Variants in PCDHGA1 observed in about 807,000 individuals in gnomAD.
PCDHGA1 encodes protocadherin gamma-A1.
A neutral mutation model predicts 58.0 loss-of-function variants in PCDHGA1; 32 were observed. That is an observed-to-expected ratio of 0.55 (90% CI 0.42 to 0.74). The LOEUF (loss-of-function observed/expected upper bound fraction) is 0.74, where lower values mean the gene tolerates loss of function less well. Ranked by LOEUF, PCDHGA1 falls within the 30% of genes least tolerant of loss-of-function variation. PCDHGA1 has a pLI of 0.00. For synonymous variants in PCDHGA1, 498 were observed against 501.1 expected, an observed-to-expected ratio of 0.99 and a Z score of 0.08; for missense variants, 1,205 against 1,182.3, an observed-to-expected ratio of 1.02 and a Z score of -0.28.
Position 141,485,606 on chromosome 5 carries a change from G to T in PCDHGA1, c.2422-9201G>T, listed in dbSNP as rs2099616630. On this transcript the variant is annotated intron_variant, in intron 1 of 3. Transcript: ENST00000517417. The surrounding 1 kb of genome is among the most constrained non-coding windows in gnomAD (Gnocchi z 5.7). ...GCAGCTGGACTTGGAAATTGGGGAG[G>T]CAGCTCCTCCAGGACAGCGTTTCCC... is the stretch of plus-strand genomic sequence containing the variant. 1.2e-6 allele frequency: 2 copies of T among 1,612,362 alleles called. No homozygotes were observed. The highest frequency in any genetic ancestry group is 4.5e-5 in the East Asian group (2 of 44,840).
chr5:141,344,297 G>C, intron 1 of PCDHGA1: 8 of 1,614,124 alleles, frequency 5.0e-6, no homozygotes, highest in Non-Finnish European at 5.9e-6. Context: ...TCACCGCGGA[G>C]AGGATAGACC....
chr5:141,490,984 T>TCTG lies in PCDHGA1; in HGVS notation c.2422-3820_2422-3818dup. On this transcript the variant is annotated intron_variant, in intron 1 of 3. Transcript: ENST00000517417. The surrounding 1 kb of genome is among the most constrained non-coding windows in gnomAD (Gnocchi z 5.4). ...CTCAGCCCCCCAGCGTCTCCCTCGCTCTGCTCCTCCTGGCTCCTTGGTCAC... is the reference window on the plus strand; with the variant it reads ...CTCAGCCCCCCAGCGTCTCCCTCGCTCTGCTGCTCCTCCTGGCTCCTTGGTCAC... The TCTG allele has an allele frequency of 1.2e-6, 2 of 1,614,110 alleles. No homozygotes were observed. Among genetic ancestry groups the TCTG allele is most frequent in the Non-Finnish European group, 1.7e-6 (2 of 1,180,028 alleles).
chr5:141,360,074 G>T (rs1338613779), intron 1 of PCDHGA1: 2 of 1,478,456 alleles, frequency 1.4e-6, no homozygotes, highest in South Asian at 1.4e-5. Flanking sequence ...CCTTAGCCCG[G>T]ATTCTGCCAT....
At chr5:141,400,773 T>A in intron 1 of PCDHGA1, 1 of 572,450 alleles carries the variant, frequency 1.7e-6, no homozygotes, top group East Asian at 2.9e-5. Flanking sequence ...AAACATTTGG[T>A]GCGTTTTTTT....
chr5:141,410,065 G>C, intron 1 of PCDHGA1: 1 of 1,612,938 alleles, frequency 6.2e-7, no homozygotes, highest in South Asian at 1.1e-5. Context: ...GCCTGGGGCT[G>C]CGCACTGGGG....
intron 1 of PCDHGA1, chr5:141,420,275 G>A: frequency 1.3e-6 from 2 of 1,524,576 alleles, no homozygotes; most frequent in Non-Finnish European, 1.8e-6. Flanking sequence ...TCTTAAACAG[G>A]TAAGTATTTA....
chr5:141,362,447 C>T (rs769703158), intron 1 of PCDHGA1: 1 of 1,614,048 alleles, frequency 6.2e-7, no homozygotes, highest in Non-Finnish European at 8.5e-7. Flanking sequence ...CTGAACATAA[C>T]CCCGGAATTG....
intron 1 of PCDHGA1, chr5:141,399,067 G>A (rs774399021): frequency 4.3e-6 from 7 of 1,613,834 alleles, no homozygotes; most frequent in African/African-American, 1.3e-5. Context: ...ATATTCAATG[G>A]TTGTAGAAGG....
intron 2 of PCDHGA1, among the ~76,000 whole-genome samples, chr5:141,497,879 G>A (rs62379207): frequency 4.6e-4 from 70 of 152,244 alleles, no homozygotes; most frequent in Non-Finnish European, 8.2e-4. Flanking sequence ...TGAAATAAGC[G>A]TTAGGATCTA....
intron 1 of PCDHGA1, among the ~76,000 whole-genome samples, chr5:141,481,153 A>G (rs1376488411): frequency 2.0e-5 from 3 of 152,224 alleles, no homozygotes; most frequent in Non-Finnish European, 4.4e-5. Context: ...TTATTCTGGT[A>G]TTTGCAGAAC....
intron 1 of PCDHGA1, chr5:141,375,536 G>A: frequency 6.2e-7 from 1 of 1,613,972 alleles, no homozygotes; most frequent in African/African-American, 1.3e-5. Flanking sequence ...GGACCAGAAC[G>A]CCCAAGTCTC....
At chr5:141,337,575 A>G (rs1442491112) in intron 1 of PCDHGA1, among the ~76,000 whole-genome samples, 1 of 152,232 alleles carries the variant, frequency 6.6e-6, no homozygotes, top group Non-Finnish European at 1.5e-5. Flanking sequence ...GATTAGTCAA[A>G]TTCATAGAGA....
rs376621545 is a variant in PCDHGA1, at chr5:141,422,143, G to A, written c.2422-72664G>A. The stretch of plus-strand genomic sequence containing the variant: ...ACAAACTGGAGAAGTTCAAGTACGG[G>A]GGTCTCTGGATTTTGAAAAATATAG... On this transcript the variant is annotated intron_variant, in intron 1 of 3. Transcript: ENST00000517417. 36 of 1,583,638 alleles carry A rather than the reference G, an allele frequency of 2.3e-5. No individual in the cohort carries two copies. The African/African-American group carries it at 3.8e-4, about 17-fold the overall frequency.
chr5:141,346,018 T>C, intron 1 of PCDHGA1: 1 of 1,613,424 alleles, frequency 6.2e-7, no homozygotes, highest in Non-Finnish European at 8.5e-7. Flanking sequence ...ACGCTCACCG[T>C]GGCCGTGGCC....
At chr5:141,394,288 C>T in intron 1 of PCDHGA1, 1 of 1,613,944 alleles carries the variant, frequency 6.2e-7, no homozygotes, top group Non-Finnish European at 8.5e-7. Flanking sequence ...TACTCTGTGA[C>T]CGAGGACACG....
chr5:141,426,642 G>T, intron 1 of PCDHGA1: 1 of 411,420 alleles, frequency 2.4e-6, no homozygotes, highest in South Asian at 1.7e-5. Context: ...TCACATAAAT[G>T]TGATGATAGA....
intron 1 of PCDHGA1, among the ~76,000 whole-genome samples, chr5:141,481,309 T>C (rs577046585): frequency 2.6e-4 from 39 of 152,310 alleles, no homozygotes; most frequent in African/African-American, 9.1e-4. Context: ...GGAAAAACCT[T>C]CCTAAAGCAC....
rs574950493 is a variant in PCDHGA1 at position 141,375,596 on chromosome 5, G to A, written c.2421+42491G>A. 12 of 1,613,990 alleles carry A rather than the reference G, an allele frequency of 7.4e-6. No individual in the cohort carries two copies. The Admixed American group carries it at 1.2e-4, about 16-fold the overall frequency. On this transcript the variant is annotated intron_variant, in intron 1 of 3. Coordinates refer to ENST00000517417, the MANE Select transcript of PCDHGA1 (RefSeq NM_018912.3). ...CCAGGGGGCGCCCCTGTCCTCCTAC[G>A]TGTCCATCAACTCCGACACTGGGAT...
Position 141,372,663 on chromosome 5 carries a change from G to A in PCDHGA1, c.2421+39558G>A, listed in dbSNP as rs971560361. 2.5e-6 allele frequency: 4 copies of A among 1,613,876 alleles called. No homozygotes were observed. In the African/African-American group the frequency reaches 5.3e-5, roughly 22 times the overall value. On this transcript the variant is annotated intron_variant, in intron 1 of 3. Coordinates refer to ENST00000517417, the MANE Select transcript of PCDHGA1 (RefSeq NM_018912.3). ...GCCTTATTCCTACAATCCGTGTGCT[G>A]CCTCACATTCCTCAAACACCGAGTT...
Sources: gnomAD v4.1 joint callset for allele counts (sites outside exome capture counted in the v4.1 genomes callset) on GRCh38, gnomAD v4.1.1 for gene constraint, Gnocchi (gnomAD v3.1) non-coding constraint, MANE v1.5 for transcripts, NCBI Gene and HGNC (gene_info 2026-07-23, HGNC 2026-07-21) for gene names.